GTF2IRD1: variants seen among roughly 807,000 people sequenced by gnomAD.
GTF2IRD1 encodes the protein general transcription factor II-I repeat domain-containing protein 1.
Under a neutral mutation model 113.2 loss-of-function variants are expected in GTF2IRD1, and 26 were observed. The ratio of observed to expected loss-of-function variants is 0.23; its 90% CI spans 0.17 to 0.32. The LOEUF (loss-of-function observed/expected upper bound fraction) is 0.32. Ranked by LOEUF, GTF2IRD1 falls within the 10% of genes least tolerant of loss-of-function variation. The pLI is 1.00. For missense variants in GTF2IRD1, 864 were observed against 1,280.8 expected (o/e 0.67, Z 4.97); for synonymous variants, 484 against 529.1 (o/e 0.91, Z 1.17).
intron 1 of GTF2IRD1, among the ~76,000 whole-genome samples, chr7:74,467,592 C>T (rs1793804994): frequency 6.6e-6 from 1 of 152,166 alleles, no homozygotes; most frequent in African/African-American, 2.4e-5. Context: ...CCTCCACCTC[C>T]CAGGTTCAAG....
At chr7:74,481,962 G>A (rs797037552) in intron 1 of GTF2IRD1, among the ~76,000 whole-genome samples, 21 of 152,212 alleles carry the variant, frequency 1.4e-4, no homozygotes, top group African/African-American at 5.1e-4. Context: ...TGAAACTCAT[G>A]GCTGCTAGGC....
intron 22 of GTF2IRD1, among the ~76,000 whole-genome samples, chr7:74,562,768 A>C (rs1394473852): frequency 6.6e-6 from 1 of 151,588 alleles, no homozygotes; most frequent in Non-Finnish European, 1.5e-5. Flanking sequence ...AACACAATGA[A>C]AGTCCAGGCT....
chr7:74,574,150 ATT>A (rs71094796), intron 22 of GTF2IRD1, among the ~76,000 whole-genome samples: 1,483 of 104,772 alleles, frequency 0.014, 25 homozygotes, highest in African/African-American at 0.051. Flanking sequence ...CACCAAGCTA[ATT>A]TTTTTTTTTT....
rs1796690481 is a variant in GTF2IRD1, at chr7:74,512,381, T to C, written c.124-449T>C. ...AACAAAACAAAACAGATGTGGAAACTGGAGCCCAGAGGAGGGACGTGACTT... is the reference window on the plus strand; with the variant it reads ...AACAAAACAAAACAGATGTGGAAACCGGAGCCCAGAGGAGGGACGTGACTT... On this transcript the variant is annotated intron_variant, in intron 2 of 26. Coordinates refer to ENST00000424337, the MANE Select transcript of GTF2IRD1 (RefSeq NM_005685.4). The surrounding 1 kb of genome is among the most constrained non-coding windows in gnomAD (Gnocchi z 4.4). Among the ~76,000 whole-genome samples, 1 of 152,022 alleles carries C rather than the reference T, an allele frequency of 6.6e-6. No individual in the cohort carries two copies. Among genetic ancestry groups the C allele is most frequent in the Non-Finnish European group, 1.5e-5 (1 of 67,966 alleles).
chr7:74,540,848 C>T (rs1352154244), intron 14 of GTF2IRD1, among the ~76,000 whole-genome samples: 33 of 151,972 alleles, frequency 2.2e-4, no homozygotes, highest in African/African-American at 7.7e-4. Context: ...GATCTCAGCT[C>T]ACTGCAACCT....
At chr7:74,565,597 G>A (rs1289070386) in intron 22 of GTF2IRD1, among the ~76,000 whole-genome samples, 1 of 152,090 alleles carries the variant, frequency 6.6e-6, no homozygotes, top group Non-Finnish European at 1.5e-5. Flanking sequence ...AAGAAGCGGT[G>A]GTGACTAAGG....
intron 17 of GTF2IRD1, among the ~76,000 whole-genome samples, chr7:74,547,832 A>G (rs1799046410): frequency 7.3e-6 from 1 of 136,116 alleles, no homozygotes; most frequent in Non-Finnish European, 1.5e-5. Context: ...GAGGCTCCCC[A>G]GGCCTGCCAG....
intron 22 of GTF2IRD1, among the ~76,000 whole-genome samples, chr7:74,575,966 G>C (rs368044530): frequency 6.6e-6 from 1 of 151,638 alleles, no homozygotes; most frequent in Non-Finnish European, 1.5e-5. Flanking sequence ...CCAGGAGTTC[G>C]AGACAAGCCT....
chr7:74,520,395 C>G (rs915621668), intron 6 of GTF2IRD1, among the ~76,000 whole-genome samples: 3 of 152,110 alleles, frequency 2.0e-5, no homozygotes, highest in African/African-American at 7.2e-5. Flanking sequence ...GGGCAAATCT[C>G]TACTCTCTGA....
In GTF2IRD1 at chr7:74,583,146, C is replaced by T. The variant is rs587629386; in HGVS notation, c.2321-6705C>T. Among the ~76,000 whole-genome samples, 4 of 152,234 alleles carry T rather than the reference C, an allele frequency of 2.6e-5. No homozygotes were observed. In the East Asian group the frequency reaches 5.8e-4, roughly 22 times the overall value. On this transcript the variant is annotated intron_variant, in intron 22 of 26. Transcript: ENST00000424337. The stretch of plus-strand genomic sequence containing the variant: ...GTATATTGTGGGCCTTGCACAGTGT[C>T]TGCACGTAGTATGTGCCAAGCTTGT...
rs587646203 is a variant in GTF2IRD1, at chr7:74,517,372, CTCT to C, written c.422-759_422-757del. ...CCTATTTTTGCTCCCTCTCCACTTC[CTCT>C]TCTTCTTACTTTCTCTCCCCCCTCT... On this transcript the variant is annotated intron_variant, in intron 4 of 26. Transcript: ENST00000424337. Among the ~76,000 whole-genome samples the C allele has an allele frequency of 1.3e-3, 202 of 149,800 alleles. 1 individual carries two copies. The highest frequency in any genetic ancestry group is 4.1e-3 in the South Asian group (19 of 4,668).
At chr7:74,574,943 A>C (rs1178362587) in intron 22 of GTF2IRD1, among the ~76,000 whole-genome samples, 1 of 152,224 alleles carries the variant, frequency 6.6e-6, no homozygotes, top group African/African-American at 2.4e-5. Context: ...ACAAAAAATT[A>C]GCCCAGCATC....
chr7:74,538,698 G>A lies in GTF2IRD1; in HGVS notation c.1466G>A (p.Gly489Asp). The change falls in exon 13 of 27, where the codon GGC becomes GAC. Residue 489 changes from glycine (G) to aspartate (D), a missense_variant. This residue lies in a region of GTF2IRD1 where 218 missense variants were observed against 352.6 expected (regional missense o/e 0.62). Coordinates refer to ENST00000424337, the MANE Select transcript of GTF2IRD1 (RefSeq NM_005685.4). Reference sequence around the variant, plus strand: ...CTTGCAGGAACCTCCGGGGAGCTGGGCGGGCTGAGGCCGATCAAAATTGAG... The same window carrying A: ...CTTGCAGGAACCTCCGGGGAGCTGGACGGGCTGAGGCCGATCAAAATTGAG... ...DCGPGTSGEL[G>D]GLRPIKIEPE... The A allele has an allele frequency of 6.2e-7, 1 of 1,603,986 alleles. No individual in the cohort carries two copies. Among genetic ancestry groups the A allele is most frequent in the Non-Finnish European group, 8.5e-7 (1 of 1,170,710 alleles).
At chr7:74,545,907 A>G in intron 16 of GTF2IRD1, 98 bp downstream of exon 16, 1 of 868,184 alleles carries the variant, frequency 1.2e-6, no homozygotes, top group Non-Finnish European at 2.0e-6. Context: ...GCCTGTTCCC[A>G]TCCCAGCTGT....
intron 9 of GTF2IRD1, among the ~76,000 whole-genome samples, chr7:74,534,160 G>A (rs1583817729): frequency 2.6e-5 from 4 of 152,196 alleles, no homozygotes; most frequent in East Asian, 1.9e-4. Context: ...CAGGATAAAC[G>A]AATAAGTCAT....
chr7:74,504,961 C>CGGTG lies in GTF2IRD1; in HGVS notation c.-6-3114_-6-3113insGGTG, dbSNP rs1796227726. On this transcript the variant is annotated intron_variant, in intron 1 of 26. Transcript: ENST00000424337. ...GACCTCAAGTGATCTGCCTGCTTCA[C>CGGTG]CCTCTCAAAGCGCTGGGATTACAGA... Among the ~76,000 whole-genome samples the CGGTG allele has an allele frequency of 3.3e-5, 5 of 152,082 alleles. No homozygotes were observed. In the South Asian group the frequency reaches 1.0e-3, roughly 32 times the overall value.
intron 3 of GTF2IRD1, among the ~76,000 whole-genome samples, chr7:74,514,928 G>A (rs1211173420): frequency 6.6e-6 from 1 of 151,678 alleles, no homozygotes; most frequent in Non-Finnish European, 1.5e-5. Context: ...AAGGTGGCAG[G>A]CGCCTATAAT....
At chr7:74,575,840 G>C (rs1293905669) in intron 22 of GTF2IRD1, among the ~76,000 whole-genome samples, 2 of 152,268 alleles carry the variant, frequency 1.3e-5, no homozygotes, top group East Asian at 3.9e-4. Context: ...GTCCAGGCTT[G>C]AGATATGATT....
At chr7:74,518,028 C>A in intron 4 of GTF2IRD1, 111 bp from the exon 5 acceptor site, 1 of 680,608 alleles carries the variant, frequency 1.5e-6, no homozygotes, top group South Asian at 3.0e-5. Context: ...CATGGGAACC[C>A]CGCACCAAGG....
Sources: allele counts gnomAD v4.1 joint callset (sites outside exome capture counted in the v4.1 genomes callset), GRCh38; gene constraint gnomAD v4.1.1; regional missense constraint gnomAD v4.1.1; non-coding constraint Gnocchi (gnomAD v3.1); transcripts MANE v1.5; gene names NCBI Gene and HGNC (gene_info 2026-07-23, HGNC 2026-07-21).